Variants in ELAPOR2 observed in about 807,000 individuals in gnomAD.
ELAPOR2 encodes the protein endosome-lysosome associated apoptosis and autophagy regulator family member 2.
ELAPOR2 carries 89 observed loss-of-function variants against 120.7 expected under a neutral mutation model. The ratio of observed to expected loss-of-function variants is 0.74; its 90% CI spans 0.62 to 0.88. The LOEUF is 0.88. Ranked by LOEUF, ELAPOR2 falls within the 40% of genes least tolerant of loss-of-function variation. The pLI is 0.00. For missense variants in ELAPOR2, 1,134 were observed against 1,251.6 expected (o/e 0.91, Z 1.42); for synonymous variants, 444 against 444.9 (o/e 1.00, Z 0.03).
In ELAPOR2 at chr7:86,909,856, G is replaced by A. The variant is rs767302664; in HGVS notation, c.2315C>T (p.Ala772Val). ...IIPSESKGFR[A>V]ALSSQSIILA... ...AATGATGGATTGTGATGATAAGGCT[G>A]CTCGGAAACCCTTACTTTCAGAAGG... The change falls in exon 16 of 22, where the codon GCA becomes GTA. Residue 772 changes from alanine (A) to valine (V), a missense_variant. Ala to Val is a moderately conservative substitution (Grantham distance 64). Coordinates refer to ENST00000450689, the MANE Select transcript of ELAPOR2 (RefSeq NM_001142749.3). 5 of 1,613,036 alleles carry A rather than the reference G, an allele frequency of 3.1e-6. No homozygotes were observed. Among genetic ancestry groups the A allele is most frequent in the East Asian group, 2.2e-5 (1 of 44,862 alleles).
intron 1 of ELAPOR2, among the ~76,000 whole-genome samples, chr7:87,052,023 C>T (rs938849971): frequency 6.6e-6 from 1 of 152,078 alleles, no homozygotes; most frequent in African/African-American, 2.4e-5. Flanking sequence ...TCTCATGGTC[C>T]ATTTGATGTG....
intron 2 of ELAPOR2, among the ~76,000 whole-genome samples, chr7:86,948,826 A>C (rs1791114447): frequency 6.6e-6 from 1 of 152,196 alleles, no homozygotes; most frequent in East Asian, 1.9e-4. Context: ...TAGTGACTCC[A>C]ACCTTGGAAA....
At chr7:87,042,998 C>G (rs1321253187) in intron 1 of ELAPOR2, among the ~76,000 whole-genome samples, 1 of 152,192 alleles carries the variant, frequency 6.6e-6, no homozygotes, top group Admixed American at 6.5e-5. Flanking sequence ...CACAAATAAA[C>G]TAGAAAATCT....
chr7:86,897,760 T>C, intron 18 of ELAPOR2, 128 bp from the exon 19 acceptor site: 4 of 1,034,718 alleles, frequency 3.9e-6, no homozygotes, highest in Non-Finnish European at 4.2e-6. Context: ...GAAACACAAG[T>C]GGAAAAAAGT....
intron 10 of ELAPOR2, chr7:86,920,618 C>T (rs953648825): frequency 5.3e-5 from 8 of 152,136 alleles, no homozygotes; most frequent in African/African-American, 1.7e-4. Flanking sequence ...AGGATTAATA[C>T]CCTCGCAGGA....
At chr7:86,900,244 G>C (rs1277304444) in intron 18 of ELAPOR2, among the ~76,000 whole-genome samples, 1 of 151,866 alleles carries the variant, frequency 6.6e-6, no homozygotes, top group Non-Finnish European at 1.5e-5. Flanking sequence ...AAAAAAAGGA[G>C]AAAACTAATC....
chr7:86,919,295 C>A lies in ELAPOR2; in HGVS notation c.1415G>T (p.Gly472Val), dbSNP rs35444296. The A allele has an allele frequency of 6.2e-7, 1 of 1,607,114 alleles. No individual in the cohort carries two copies. The highest frequency in any genetic ancestry group is 1.7e-5 in the Admixed American group (1 of 59,548). Residue 472 changes from glycine to valine, a missense_variant, in exon 11 of 22, where the codon GGA (glycine) becomes GTA (valine). By Grantham distance (109) the Gly-to-Val change is moderately radical (BLOSUM62 -3). This residue lies in a region of ELAPOR2 where 831 missense variants were observed against 867.6 expected (regional missense o/e 0.96). Transcript: ENST00000450689. ...TCCAGCCCCACTCTGGATATGATCT[C>A]CAGCCACCTCCCAACCTAGAAGTAA... ...CDGMNGWEVA[G>V]DHIQSGAGGS...
At chr7:86,909,670 T>C (rs1789202514) in intron 16 of ELAPOR2, 142 bp downstream of exon 16, 2 of 669,614 alleles carry the variant, frequency 3.0e-6, no homozygotes, top group African/African-American at 3.7e-5. Context: ...AGGAGCTTTT[T>C]AACCATCTTA....
Position 87,007,215 on chromosome 7 carries a change from A to T in ELAPOR2, c.190-42191T>A, listed in dbSNP as rs568866680. On this transcript the variant is annotated intron_variant, in intron 1 of 21. Coordinates refer to ENST00000450689, the MANE Select transcript of ELAPOR2 (RefSeq NM_001142749.3). ...TACACTGTACCTCAAAAAAGTAAAC[A>T]AATACAGAACCCTAGTTAGTAGGTT... is the stretch of plus-strand genomic sequence containing the variant. Among the ~76,000 whole-genome samples, 3 of 152,336 alleles carry T rather than the reference A, an allele frequency of 2.0e-5. No homozygotes were observed. The South Asian group carries it at 6.2e-4, about 32-fold the overall frequency.
rs1319539493 is a variant in ELAPOR2 at position 86,918,562 on chromosome 7, A to G, written c.1491-18T>C. ...TTGGTGGTCTATTTGACAGATTAAA[A>G]TGGCAATATTTATACTATGTTCTAA... On this transcript the variant is annotated intron_variant, in intron 11 of 21. Transcript: ENST00000450689. 2.8e-6 allele frequency: 4 copies of G among 1,421,832 alleles called. No individual in the cohort carries two copies. The highest frequency in any genetic ancestry group is 4.0e-6 in the Non-Finnish European group (4 of 1,005,976). 88.1% of individuals were successfully genotyped at this position (1,421,832 alleles called of 1,614,324 possible).
intron 1 of ELAPOR2, among the ~76,000 whole-genome samples, chr7:86,984,966 G>A (rs1001085533): frequency 6.6e-6 from 1 of 151,376 alleles, no homozygotes; most frequent in African/African-American, 2.4e-5. Flanking sequence ...AAAGAGAGAA[G>A]AATCAAATAG....
chr7:86,880,218 C>CA lies in ELAPOR2; in HGVS notation c.*252dup. 1.9e-6 allele frequency: 1 copy of CA among 522,806 alleles called. No individual in the cohort carries two copies. The allele number at this position is 522,806 out of a possible 1,614,324, so 32.4% of individuals were successfully genotyped here. On this transcript the variant is annotated 3_prime_UTR_variant, in exon 22 of 22. Coordinates refer to ENST00000450689, the MANE Select transcript of ELAPOR2 (RefSeq NM_001142749.3). ...CTTGGTTTTCAGTTATGTGTATATA[C>CA]AGATAAATCTCTTCCTGAGTTGAGC...
rs1789707717 is a variant in ELAPOR2 at position 86,919,240 on chromosome 7, G to A, written c.1470C>T (p.Asn490=). ...CTTACTTAAATCCTGGGATATGCAAGTTTAAGATCAGGTAATCATTGTCAG... is the reference window on the plus strand; with the variant it reads ...CTTACTTAAATCCTGGGATATGCAAATTTAAGATCAGGTAATCATTGTCAG... The part of the protein sequence containing the change: ...GGSDNDYLIL[N]LHIPGFKPPT... Residue 490 remains asparagine (N), a synonymous_variant, in exon 11 of 22, where the codon AAC becomes AAT. Coordinates refer to ENST00000450689, the MANE Select transcript of ELAPOR2 (RefSeq NM_001142749.3). 6.2e-7 allele frequency: 1 copy of A among 1,611,432 alleles called. No homozygotes were observed. The highest frequency in any genetic ancestry group is 8.5e-7 in the Non-Finnish European group (1 of 1,178,292).
chr7:86,913,206 TA>T lies in ELAPOR2; in HGVS notation c.1732-3del, dbSNP rs540452931. ...CATGTCATTGATGAACCGTCTATTC[TA>T]AAAAAAAGAGCATAAAGTAATGACT... is the stretch of plus-strand genomic sequence containing the variant. On this transcript the variant is annotated splice_region_variant and splice_polypyrimidine_tract_variant and intron_variant, in intron 13 of 21. Coordinates refer to ENST00000450689, the MANE Select transcript of ELAPOR2 (RefSeq NM_001142749.3). 8.1e-6 allele frequency: 13 copies of T among 1,610,282 alleles called. No homozygotes were observed. The highest frequency in any genetic ancestry group is 2.2e-5 in the South Asian group (2 of 90,940).
At chr7:87,037,151 T>C (rs1357995284) in intron 1 of ELAPOR2, among the ~76,000 whole-genome samples, 1 of 152,042 alleles carries the variant, frequency 6.6e-6, no homozygotes. Flanking sequence ...CTCAACACAG[T>C]GCTCTTGCTA....
intron 8 of ELAPOR2, among the ~76,000 whole-genome samples, chr7:86,934,251 C>G (rs1790463731): frequency 6.6e-6 from 1 of 151,890 alleles, no homozygotes; most frequent in Admixed American, 6.6e-5. Context: ...CCAAGAATAC[C>G]TAGTAATTCT....
At chr7:86,937,699 C>T (rs1178121636) in intron 8 of ELAPOR2, among the ~76,000 whole-genome samples, 1 of 152,070 alleles carries the variant, frequency 6.6e-6, no homozygotes, top group Non-Finnish European at 1.5e-5. Context: ...AACTTTCCAT[C>T]CTGTGAGTCA....
At chr7:86,920,032 T>C (rs1026916944) in intron 10 of ELAPOR2, among the ~76,000 whole-genome samples, 12 of 152,094 alleles carry the variant, frequency 7.9e-5, no homozygotes, top group African/African-American at 2.7e-4. Context: ...TTAATGGCAA[T>C]ACCTCAGCAT....
chr7:86,991,705 G>A (rs1792950682), intron 1 of ELAPOR2, among the ~76,000 whole-genome samples: 1 of 152,212 alleles, frequency 6.6e-6, no homozygotes, highest in Non-Finnish European at 1.5e-5. Context: ...ATGAAGTCAT[G>A]AGGCTCCTTC....
Sources: gnomAD v4.1 joint callset for allele counts (sites outside exome capture counted in the v4.1 genomes callset) on GRCh38, gnomAD v4.1.1 for gene constraint, gnomAD v4.1.1 regional missense constraint, MANE v1.5 for transcripts, NCBI Gene and HGNC (gene_info 2026-07-23, HGNC 2026-07-21) for gene names.